CEP170: variants seen among roughly 807,000 people sequenced by gnomAD.
The protein encoded by CEP170 is centrosomal protein 170.
CEP170 carries 21 observed loss-of-function variants against 151.9 expected under a neutral mutation model. That is an observed-to-expected ratio of 0.14 (90% CI 0.10 to 0.20). The LOEUF is 0.20. Among genes scored for constraint, CEP170 ranks in the 10% least tolerant of loss-of-function variants. CEP170 has a pLI of 1.00. For missense variants in CEP170, 964 were observed against 1,892.9 expected (o/e 0.51, Z 9.11); for synonymous variants, 356 against 648.8 (o/e 0.55, Z 6.86).
At chr1:243,183,393 G>A (rs1280851331) in intron 10 of CEP170, among the ~76,000 whole-genome samples, 2 of 151,988 alleles carry the variant, frequency 1.3e-5, no homozygotes, top group Admixed American at 1.3e-4. Flanking sequence ...GGAGAAACTG[G>A]ATGACAACAC....
Position 243,126,690 on chromosome 1 carries a change from T to C in CEP170, c.4514A>G (p.Asn1505Ser), listed in dbSNP as rs530335371. ...CAACATAGCACTGGGAAATCCCATG[T>C]TGTTCAGAGCCTCCAAAGTTCCATC... ...DPDGTLEALNNMGFPSAMLPS... is the reference protein window; with the variant it reads ...DPDGTLEALNSMGFPSAMLPS... The change falls in exon 20 of 20, where the codon AAC becomes AGC. Residue 1505 changes from asparagine to serine, a missense_variant. Physicochemically the swap from Asn to Ser is conservative, Grantham distance 46. Transcript: ENST00000366542. 19 of 1,542,204 alleles carry C rather than the reference T, an allele frequency of 1.2e-5. No individual in the cohort carries two copies. In the African/African-American group the frequency reaches 1.8e-4, roughly 14 times the overall value.
intron 7 of CEP170, among the ~76,000 whole-genome samples, chr1:243,195,049 A>C (rs1021577795): frequency 6.6e-6 from 1 of 151,884 alleles, no homozygotes; most frequent in Non-Finnish European, 1.5e-5. Context: ...ATGAAATATT[A>C]AACTTATTTG....
intron 4 of CEP170, among the ~76,000 whole-genome samples, chr1:243,203,156 C>T (rs1223944881): frequency 1.3e-5 from 2 of 152,148 alleles, no homozygotes; most frequent in African/African-American, 4.8e-5. Context: ...GCTTTTCCCT[C>T]CAAGGCTACC....
intron 4 of CEP170, among the ~76,000 whole-genome samples, chr1:243,206,631 A>G (rs889807120): frequency 1.7e-4 from 26 of 152,376 alleles, no homozygotes; most frequent in African/African-American, 6.0e-4. Context: ...GGTTTCAGAC[A>G]TAAGTACAAT....
In CEP170 at chr1:243,163,648, C is replaced by T. The variant is rs371625039; in HGVS notation, c.3676+636G>A. Among the ~76,000 whole-genome samples, 29 of 151,142 alleles carry T rather than the reference C, an allele frequency of 1.9e-4. 1 individual carries two copies. In the South Asian group the frequency reaches 5.6e-3, roughly 29 times the overall value. On this transcript the variant is annotated intron_variant, in intron 13 of 19. Transcript: ENST00000366542. ...TCTACAGCCCAGTTTGGCCAATATA[C>T]GCTGAGTGATTCCCCATGAATCCAT...
Position 243,165,583 on chromosome 1 carries a change from C to T in CEP170, c.2377G>A (p.Gly793Arg). The T allele has an allele frequency of 3.7e-6, 6 of 1,613,896 alleles. No homozygotes were observed. The highest frequency in any genetic ancestry group is 5.1e-6 in the Non-Finnish European group (6 of 1,179,886). Residue 793 changes from glycine (G) to arginine (R), a missense_variant, in exon 13 of 20, where the codon GGA becomes AGA. Transcript: ENST00000366542. ...QESQPPEKNS[G>R]HSTSKGDRVA... Reference sequence around the variant, plus strand: ...CTGTCTCCTTTGCTTGTAGAATGTCCTGAATTTTTTTCTGGAGGTTGTGAT... The same window carrying T: ...CTGTCTCCTTTGCTTGTAGAATGTCTTGAATTTTTTTCTGGAGGTTGTGAT...
At position 243,124,718 on chromosome 1, in the gene CEP170, G is replaced by C. The variant is rs2053571762; in HGVS notation, c.*1731C>G. The C allele has an allele frequency of 6.6e-6, 1 of 152,408 alleles. No individual in the cohort carries two copies. The highest frequency in any genetic ancestry group is 1.5e-5 in the Non-Finnish European group (1 of 67,978). 9.4% of individuals were successfully genotyped at this position (152,408 alleles called of 1,614,324 possible). ...AAGAGGGAGCAATGCTGATTATTTTGTCCAACTTTTTCTTCAAATGGATTG... is the reference window on the plus strand; with the variant it reads ...AAGAGGGAGCAATGCTGATTATTTTCTCCAACTTTTTCTTCAAATGGATTG... On this transcript the variant is annotated 3_prime_UTR_variant, in exon 20 of 20. Coordinates refer to ENST00000366542, the MANE Select transcript of CEP170 (RefSeq NM_014812.3).
At chr1:243,214,516 C>G (rs1207691689) in intron 3 of CEP170, among the ~76,000 whole-genome samples, 1 of 149,512 alleles carries the variant, frequency 6.7e-6, no homozygotes, top group Non-Finnish European at 1.5e-5. Context: ...GAACTCCTGA[C>G]CTTAGGTGAT....
intron 1 of CEP170, among the ~76,000 whole-genome samples, chr1:243,226,203 A>ATATACCTATATATCTAGATATATATGCC (rs200087229): frequency 6.5e-5 from 1 of 15,400 alleles, no homozygotes; most frequent in African/African-American, 9.4e-5. Flanking sequence ...ATCTAGATAT[A>ATATACCTATATATCTAGATATATATGCC]TATATATCTA....
chr1:243,201,892 A>G (rs533395464), intron 4 of CEP170, among the ~76,000 whole-genome samples: 3 of 152,142 alleles, frequency 2.0e-5, no homozygotes, highest in East Asian at 3.9e-4. Flanking sequence ...ATTAATCTAC[A>G]TTGCTTTTTC....
chr1:243,220,694 C>T (rs1296500494), intron 3 of CEP170, among the ~76,000 whole-genome samples: 1 of 152,164 alleles, frequency 6.6e-6, no homozygotes, highest in Non-Finnish European at 1.5e-5. Flanking sequence ...ATTTCAGCAG[C>T]ACAGATAGGA....
intron 1 of CEP170, among the ~76,000 whole-genome samples, chr1:243,242,841 C>T (rs530458466): frequency 4.7e-4 from 71 of 152,162 alleles, no homozygotes; most frequent in Middle Eastern, 3.2e-3. Flanking sequence ...GCCAGGATTA[C>T]AGGCATGCGC....
chr1:243,136,665 A>G (rs2055118225), intron 16 of CEP170, among the ~76,000 whole-genome samples: 1 of 152,268 alleles, frequency 6.6e-6, no homozygotes, highest in African/African-American at 2.4e-5. Flanking sequence ...GTTCTCCAGC[A>G]AAGAGTCTAG....
At chr1:243,152,220 T>A (rs1488637321) in intron 14 of CEP170, among the ~76,000 whole-genome samples, 1 of 151,868 alleles carries the variant, frequency 6.6e-6, no homozygotes, top group Admixed American at 6.6e-5. Flanking sequence ...GGAGCCATTT[T>A]GATTTTTTTT....
chr1:243,220,739 A>T (rs553680942), intron 3 of CEP170, among the ~76,000 whole-genome samples: 1 of 152,332 alleles, frequency 6.6e-6, no homozygotes, highest in African/African-American at 2.4e-5. Flanking sequence ...GCAGAACCAT[A>T]AGCAAATGAA....
intron 1 of CEP170, among the ~76,000 whole-genome samples, chr1:243,228,569 A>AT (rs1260103033): frequency 1.4e-4 from 21 of 152,348 alleles, no homozygotes; most frequent in African/African-American, 4.3e-4. Context: ...TCAGGGGACG[A>AT]TTTTAAAACA....
intron 1 of CEP170, among the ~76,000 whole-genome samples, chr1:243,247,224 G>GA (rs994538953): frequency 1.7e-4 from 26 of 150,416 alleles, no homozygotes; most frequent in East Asian, 1.2e-3. Flanking sequence ...CTGGCCTAGG[G>GA]AAAAAAAAAG....
chr1:243,185,894 G>A lies in CEP170; in HGVS notation c.1451C>T (p.Thr484Ile), dbSNP rs2059907203. The change falls in exon 10 of 20, where the codon ACT becomes ATT. Residue 484 changes from threonine to isoleucine, a missense_variant. Physicochemically the swap from Thr to Ile is moderately conservative, Grantham distance 89. Transcript: ENST00000366542. This position sits in a 1 kb window ranked among gnomAD's most constrained non-coding sequence, Gnocchi z 4.9. ...EMDKMLKNQA[T>I]SATSEKDNDD... ...ATTATCCTTTTCAGAAGTAGCAGAA[G>A]TTGCTTGATTTTTTAACATTTTATC... 1 of 1,613,746 alleles carries A rather than the reference G, an allele frequency of 6.2e-7. No individual in the cohort carries two copies. Among genetic ancestry groups the A allele is most frequent in the Non-Finnish European group, 8.5e-7 (1 of 1,179,704 alleles).
intron 2 of CEP170, among the ~76,000 whole-genome samples, chr1:243,223,652 G>A (rs953590041): frequency 9.2e-5 from 14 of 152,298 alleles, no homozygotes; most frequent in South Asian, 2.1e-4. Context: ...CCACTGAGTC[G>A]AGTGAGATGC....
Sources: allele counts gnomAD v4.1 joint callset (sites outside exome capture counted in the v4.1 genomes callset), GRCh38; gene constraint gnomAD v4.1.1; non-coding constraint Gnocchi (gnomAD v3.1); transcripts MANE v1.5; gene names NCBI Gene and HGNC (gene_info 2026-07-23, HGNC 2026-07-21).